TMPRSS15: variants seen among roughly 807,000 people sequenced by gnomAD.
TMPRSS15 encodes enteropeptidase.
Under a neutral mutation model 125.3 loss-of-function variants are expected in TMPRSS15, and 128 were observed. The ratio of observed to expected loss-of-function variants is 1.02; its 90% CI spans 0.89 to 1.18. The LOEUF is 1.18. TMPRSS15 is among the 50% of genes most tolerant of loss of function. TMPRSS15 has a pLI of 0.00. For synonymous variants in TMPRSS15, 446 were observed against 423.2 expected, an observed-to-expected ratio of 1.05 and a Z score of -0.66; for missense variants, 1,283 against 1,212.7, an observed-to-expected ratio of 1.06 and a Z score of -0.86.
intron 1 of TMPRSS15, among the ~76,000 whole-genome samples, chr21:18,468,127 T>C (rs1210146547): frequency 6.6e-6 from 1 of 152,154 alleles, no homozygotes; most frequent in Non-Finnish European, 1.5e-5. Context: ...ATTACAACTT[T>C]TGAGGTCTTA....
At chr21:18,417,004 T>G (rs1407519300) in intron 1 of TMPRSS15, among the ~76,000 whole-genome samples, 2 of 152,242 alleles carry the variant, frequency 1.3e-5, no homozygotes, top group South Asian at 4.1e-4. Context: ...ACATTTTGAC[T>G]AATAATACAA....
chr21:18,447,155 A>AT (rs2076257358), intron 1 of TMPRSS15, among the ~76,000 whole-genome samples: 1 of 152,122 alleles, frequency 6.6e-6, no homozygotes, highest in East Asian at 1.9e-4. Flanking sequence ...AAAAGAAGAC[A>AT]TACAAATGGG....
chr21:18,312,909 A>G lies in TMPRSS15; in HGVS notation c.2165+36T>C, dbSNP rs77229231. ...ATTTGATAGTAATAAAAAGGTTTGC[A>G]AATCTCTTAAAAAGGAACTCAGTAG... On this transcript the variant is annotated intron_variant, in intron 18 of 24. Coordinates refer to ENST00000284885, the MANE Select transcript of TMPRSS15 (RefSeq NM_002772.3). 5,644 of 1,611,326 alleles carry G rather than the reference A, an allele frequency of 3.5e-3. 107 individuals carry two copies. The African/African-American group carries it at 0.04, about 11-fold the overall frequency.
At chr21:18,456,150 T>C (rs1978436596) in intron 1 of TMPRSS15, among the ~76,000 whole-genome samples, 1 of 152,154 alleles carries the variant, frequency 6.6e-6, no homozygotes, top group Non-Finnish European at 1.5e-5. Flanking sequence ...TACAGAATTA[T>C]TTAATAGATA....
intron 1 of TMPRSS15, among the ~76,000 whole-genome samples, chr21:18,445,395 G>C (rs890080741): frequency 5.9e-5 from 9 of 151,936 alleles, no homozygotes; most frequent in African/African-American, 1.9e-4. Flanking sequence ...TGGCCAGGCT[G>C]GTCTCAAACT....
At chr21:18,271,978 T>A (rs1165365419) in intron 24 of TMPRSS15, among the ~76,000 whole-genome samples, 1 of 152,166 alleles carries the variant, frequency 6.6e-6, no homozygotes, top group African/African-American at 2.4e-5. Flanking sequence ...CAGTCTATCA[T>A]TGATGATGGG....
chr21:18,286,486 C>T (rs1017964827), intron 21 of TMPRSS15, among the ~76,000 whole-genome samples: 2 of 152,226 alleles, frequency 1.3e-5, no homozygotes, highest in African/African-American at 4.8e-5. Flanking sequence ...CTCTCACTCT[C>T]TTTCCAATCT....
At chr21:18,400,330 A>G (rs1288500304) in intron 1 of TMPRSS15, among the ~76,000 whole-genome samples, 1 of 152,190 alleles carries the variant, frequency 6.6e-6, no homozygotes, top group Non-Finnish European at 1.5e-5. Flanking sequence ...ATGCTATACT[A>G]TAAAGCTATA....
intron 16 of TMPRSS15, among the ~76,000 whole-genome samples, chr21:18,318,824 C>T (rs1296412162): frequency 1.3e-5 from 2 of 152,184 alleles, no homozygotes; most frequent in South Asian, 4.2e-4. Flanking sequence ...TACAATATGC[C>T]AGCTGTAATA....
intron 1 of TMPRSS15, among the ~76,000 whole-genome samples, chr21:18,420,975 G>GTT (rs1423405893): frequency 6.6e-6 from 1 of 152,144 alleles, no homozygotes; most frequent in Non-Finnish European, 1.5e-5. Flanking sequence ...TATTAAATAA[G>GTT]GATGTGCATT....
At chr21:18,481,153 T>C (rs1199929139) in intron 1 of TMPRSS15, among the ~76,000 whole-genome samples, 1 of 151,814 alleles carries the variant, frequency 6.6e-6, no homozygotes, top group Non-Finnish European at 1.5e-5. Flanking sequence ...TTAACTTTTC[T>C]GGAACTTCGT....
chr21:18,291,170 G>A (rs7275997), intron 21 of TMPRSS15, among the ~76,000 whole-genome samples: 123,594 of 152,164 alleles, frequency 0.81, 50,328 homozygotes, highest in Non-Finnish European at 0.83. Context: ...ATCCTTATGA[G>A]CTTCCTACAG....
intron 1 of TMPRSS15, among the ~76,000 whole-genome samples, chr21:18,415,572 T>C (rs1223692873): frequency 6.6e-6 from 1 of 152,096 alleles, no homozygotes; most frequent in Admixed American, 6.6e-5. Context: ...TTGAAGGTAG[T>C]GTCTAGTTTT....
intron 6 of TMPRSS15, among the ~76,000 whole-genome samples, chr21:18,366,975 A>G (rs1162021812): frequency 2.6e-5 from 4 of 152,102 alleles, no homozygotes; most frequent in Non-Finnish European, 1.5e-5. Context: ...TAGATAGCAA[A>G]TAGAAATCTT....
intron 1 of TMPRSS15, among the ~76,000 whole-genome samples, chr21:18,454,039 A>G (rs1435322797): frequency 6.6e-6 from 1 of 152,180 alleles, no homozygotes; most frequent in Non-Finnish European, 1.5e-5. Flanking sequence ...ATTGAGATCT[A>G]GTTGTCAAAG....
rs2074537802 is a variant in TMPRSS15, at chr21:18,270,182, T to C, written c.2905-58A>G. The C allele has an allele frequency of 5.0e-6, 7 of 1,411,282 alleles. No individual in the cohort carries two copies. The Admixed American group carries it at 5.1e-5, about 10-fold the overall frequency. 87.4% of individuals were successfully genotyped at this position (1,411,282 alleles called of 1,614,324 possible). A position where few individuals can be genotyped will look rare whatever the true frequency, so the allele number is the denominator to read the frequency against. Reference sequence around the variant, plus strand: ...TATGTGGTCAATTGATCGAAACATATAAAATTATTTGTATCAAATAAATTA... The same window carrying C: ...TATGTGGTCAATTGATCGAAACATACAAAATTATTTGTATCAAATAAATTA... On this transcript the variant is annotated intron_variant, in intron 24 of 24. Transcript: ENST00000284885.
chr21:18,352,236 G>A (rs1428415160), intron 10 of TMPRSS15, among the ~76,000 whole-genome samples: 1 of 151,862 alleles, frequency 6.6e-6, no homozygotes, highest in African/African-American at 2.4e-5. Flanking sequence ...TGGTTTCTCA[G>A]CAAAATATTA....
chr21:18,415,713 T>C (rs1422715007), intron 1 of TMPRSS15, among the ~76,000 whole-genome samples: 4 of 152,094 alleles, frequency 2.6e-5, no homozygotes, highest in African/African-American at 9.6e-5. Flanking sequence ...ACTTAATATA[T>C]CTGTCTTTAT....
intron 18 of TMPRSS15, among the ~76,000 whole-genome samples, chr21:18,302,722 C>T (rs143818377): frequency 4.3e-4 from 66 of 152,274 alleles, no homozygotes; most frequent in African/African-American, 1.5e-3. Flanking sequence ...CTTACAGATG[C>T]AATGGTATTA....
Sources: allele counts gnomAD v4.1 joint callset (sites outside exome capture counted in the v4.1 genomes callset), GRCh38; gene constraint gnomAD v4.1.1; transcripts MANE v1.5; gene names NCBI Gene and HGNC (gene_info 2026-07-23, HGNC 2026-07-21).